The following SLC26A7 variants were observed in gnomAD, a reference collection of about 807,000 sequenced individuals.
SLC26A7 encodes the protein anion exchange transporter.
In SLC26A7, 59 loss-of-function variants were observed where a neutral mutation model predicts 82.5. The observed-to-expected ratio is 0.72, with a 90% CI of 0.58 to 0.89. The LOEUF (loss-of-function observed/expected upper bound fraction) is 0.89, where lower values mean the gene tolerates loss of function less well. Ranked by LOEUF, SLC26A7 falls within the 40% of genes least tolerant of loss-of-function variation. The pLI is 0.00. For missense variants in SLC26A7, 820 were observed against 793.0 expected, an observed-to-expected ratio of 1.03 and a Z score of -0.41; for synonymous variants, 271 against 274.3, an observed-to-expected ratio of 0.99 and a Z score of 0.12.
At chr8:91,304,403 A>G (rs7817419) in intron 4 of SLC26A7, among the ~76,000 whole-genome samples, 28,047 of 151,950 alleles carry the variant, frequency 0.18, 3,093 homozygotes, top group African/African-American at 0.3. Context: ...CCTTCTTTCT[A>G]TCTCTCTCCT....
At chr8:91,342,408 G>A (rs1171427933) in intron 8 of SLC26A7, among the ~76,000 whole-genome samples, 2 of 152,136 alleles carry the variant, frequency 1.3e-5, no homozygotes, top group African/African-American at 2.4e-5. Flanking sequence ...GTGCTTACTA[G>A]AAACAGCAGA....
In SLC26A7 at chr8:91,295,581, G is replaced by T. The variant is rs755336667; in HGVS notation, c.355G>T (p.Val119Phe). Residue 119 changes from valine to phenylalanine, a missense_variant, in exon 4 of 19, where the codon GTC (valine) becomes TTC (phenylalanine). Physicochemically the swap from Val to Phe is conservative, Grantham distance 50 (BLOSUM62 -1). Transcript: ENST00000276609. Reference sequence around the variant, plus strand: ...ATCAGCCAACGCCGTGGAACGGATTGTCCCTCAGAACATGCAGAATCTCAC... The same window carrying T: ...ATCAGCCAACGCCGTGGAACGGATTTTCCCTCAGAACATGCAGAATCTCAC... Reference protein sequence around the residue: ...LISANAVERIVPQNMQNLTTQ... With the variant: ...LISANAVERIFPQNMQNLTTQ... 1 of 1,614,040 alleles carries T rather than the reference G, an allele frequency of 6.2e-7. No individual in the cohort carries two copies. The highest frequency in any genetic ancestry group is 1.3e-5 in the African/African-American group (1 of 75,036).
chr8:91,320,478 G>T (rs1812761112), intron 5 of SLC26A7, among the ~76,000 whole-genome samples: 1 of 152,124 alleles, frequency 6.6e-6, no homozygotes, highest in Non-Finnish European at 1.5e-5. Context: ...ATGGTGCTTT[G>T]GTTCTTTGCC....
intron 15 of SLC26A7, among the ~76,000 whole-genome samples, chr8:91,370,543 T>C (rs1197994685): frequency 2.0e-5 from 3 of 152,074 alleles, no homozygotes; most frequent in Non-Finnish European, 4.4e-5. Context: ...CAGATTTACC[T>C]GAAAAATCAG....
In SLC26A7 at chr8:91,330,501, T is replaced by C. The variant is rs145306677; in HGVS notation, c.643-3794T>C. On this transcript the variant is annotated intron_variant, in intron 5 of 18. Coordinates refer to ENST00000276609, the MANE Select transcript of SLC26A7 (RefSeq NM_052832.4). ...TGTGGTCAAATTATATTTAAGATGC[T>C]AAATAGAAAGGACAAAGAACACAAA... 2.5e-3 allele frequency among the ~76,000 whole-genome samples: 381 copies of C among 152,276 alleles called. 2 individuals carry two copies. The highest frequency in any genetic ancestry group is 8.5e-3 in the African/African-American group (353 of 41,562).
chr8:91,214,233 G>T (rs1006400822), intron 1 of SLC26A7, among the ~76,000 whole-genome samples: 1 of 152,100 alleles, frequency 6.6e-6, no homozygotes, highest in African/African-American at 2.4e-5. Context: ...CCTCTGAGGG[G>T]TGTGAAGGAG....
chr8:91,331,652 A>G (rs1468316508), intron 5 of SLC26A7, among the ~76,000 whole-genome samples: 1 of 152,152 alleles, frequency 6.6e-6, no homozygotes, highest in Non-Finnish European at 1.5e-5. Flanking sequence ...GTTTTGATAT[A>G]TATATACACA....
chr8:91,395,224 G>T lies in SLC26A7; in HGVS notation c.*127G>T, dbSNP rs1238055514. 1.3e-6 allele frequency: 2 copies of T among 1,503,138 alleles called. No individual in the cohort carries two copies. The highest frequency in any genetic ancestry group is 2.8e-5 in the African/African-American group (2 of 71,158). The allele number at this position is 1,503,138 out of a possible 1,614,324, so 93.1% of individuals were successfully genotyped here. ...ACCTCTGCTACAATAAGTACGATGT[G>T]ACTTAGTAACTGCATAGCAGTTGGA... On this transcript the variant is annotated 3_prime_UTR_variant, in exon 19 of 19. Transcript: ENST00000276609.
chr8:91,382,517 C>T (rs747923366), intron 15 of SLC26A7, among the ~76,000 whole-genome samples: 1 of 152,080 alleles, frequency 6.6e-6, no homozygotes, highest in African/African-American at 2.4e-5. Context: ...ATTGAAGGTA[C>T]ACACTTCTTT....
chr8:91,309,034 T>C (rs1467219016), intron 4 of SLC26A7, among the ~76,000 whole-genome samples: 1 of 152,172 alleles, frequency 6.6e-6, no homozygotes, highest in Non-Finnish European at 1.5e-5. Flanking sequence ...ATGGTAGGTA[T>C]GCTTATTGCT....
chr8:91,239,144 G>A (rs1016452402), intron 2 of SLC26A7, among the ~76,000 whole-genome samples: 4 of 152,022 alleles, frequency 2.6e-5, no homozygotes, highest in Non-Finnish European at 5.9e-5. Flanking sequence ...GCCAAGACGG[G>A]CGGATCACGA....
At chr8:91,370,637 C>G (rs1814331613) in intron 15 of SLC26A7, among the ~76,000 whole-genome samples, 1 of 151,854 alleles carries the variant, frequency 6.6e-6, no homozygotes, top group Non-Finnish European at 1.5e-5. Context: ...TCTTTCTTTG[C>G]AAACTCATCA....
chr8:91,292,613 A>G (rs1447088756), intron 3 of SLC26A7, among the ~76,000 whole-genome samples: 1 of 152,208 alleles, frequency 6.6e-6, no homozygotes, highest in Non-Finnish European at 1.5e-5. Flanking sequence ...ACTAAATACA[A>G]TAATAAATTA....
intron 4 of SLC26A7, among the ~76,000 whole-genome samples, chr8:91,299,774 T>G (rs1812112688): frequency 6.6e-6 from 1 of 152,154 alleles, no homozygotes; most frequent in African/African-American, 2.4e-5. Context: ...CTTGCATGTT[T>G]GTTTTCCTTA....
intron 5 of SLC26A7, among the ~76,000 whole-genome samples, chr8:91,325,494 G>T (rs903754079): frequency 6.6e-6 from 1 of 152,074 alleles, no homozygotes; most frequent in African/African-American, 2.4e-5. Context: ...TTAAGAAAAG[G>T]CCATAATCTG....
chr8:91,212,995 C>T (rs927729600), intron 1 of SLC26A7, among the ~76,000 whole-genome samples: 1 of 152,180 alleles, frequency 6.6e-6, no homozygotes. Context: ...TCTCAAACTG[C>T]TGGATACAGT....
chr8:91,343,126 A>G (rs1001786097), intron 8 of SLC26A7: 10 of 451,440 alleles, frequency 2.2e-5, no homozygotes, highest in Admixed American at 1.0e-4. Flanking sequence ...GTATTTCCCT[A>G]TAAGGTTGTT....
chr8:91,298,661 A>G lies in SLC26A7; in HGVS notation c.477+2958A>G, dbSNP rs543158093. On this transcript the variant is annotated intron_variant, in intron 4 of 18. Coordinates refer to ENST00000276609, the MANE Select transcript of SLC26A7 (RefSeq NM_052832.4). Reference sequence around the variant, plus strand: ...ACCAAGAAACATAATGCTAGGTAATAATGATTTTAAAATATAAACTGAGTC... The same window carrying G: ...ACCAAGAAACATAATGCTAGGTAATGATGATTTTAAAATATAAACTGAGTC... Among the ~76,000 whole-genome samples the G allele has an allele frequency of 1.1e-3, 170 of 152,312 alleles. 1 individual carries two copies. Among genetic ancestry groups the G allele is most frequent in the Middle Eastern group, 6.8e-3 (2 of 294 alleles).
At chr8:91,240,498 G>C (rs528879350) in intron 2 of SLC26A7, among the ~76,000 whole-genome samples, 1 of 152,150 alleles carries the variant, frequency 6.6e-6, no homozygotes, top group South Asian at 2.1e-4. Flanking sequence ...AACTAAAATG[G>C]CTTATAAACT....
Sources: allele counts gnomAD v4.1 joint callset (sites outside exome capture counted in the v4.1 genomes callset), GRCh38; gene constraint gnomAD v4.1.1; transcripts MANE v1.5; gene names NCBI Gene and HGNC (gene_info 2026-07-23, HGNC 2026-07-21).